DLG2: variants seen among roughly 807,000 people sequenced by gnomAD.
The protein encoded by DLG2 is disks large homolog 2.
In DLG2, 45 loss-of-function variants were observed where a neutral mutation model predicts 132.5. That is an observed-to-expected ratio of 0.34 (90% CI 0.27 to 0.44). The LOEUF (loss-of-function observed/expected upper bound fraction) is 0.44, where lower values mean the gene tolerates loss of function less well. DLG2 is among the 20% of genes least tolerant of loss of function. The pLI, the probability that DLG2 is intolerant of heterozygous loss-of-function variation, is 1.00. For synonymous variants in DLG2, 424 were observed against 419.6 expected (o/e 1.01, Z -0.13); for missense variants, 1,045 against 1,196.9 (o/e 0.87, Z 1.87).
chr11:85,186,117 T>A (rs2080077103), intron 4 of DLG2, among the ~76,000 whole-genome samples: 2 of 152,032 alleles, frequency 1.3e-5, no homozygotes, highest in South Asian at 2.1e-4. Flanking sequence ...TCTGAACACA[T>A]GTCTTATCTC....
chr11:85,482,295 T>G (rs548525174), intron 3 of DLG2, among the ~76,000 whole-genome samples: 2 of 152,222 alleles, frequency 1.3e-5, no homozygotes, highest in East Asian at 3.9e-4. Context: ...CCCAGGCTTC[T>G]ATCCCACCCC....
At chr11:84,934,768 G>C (rs1354093926) in intron 6 of DLG2, among the ~76,000 whole-genome samples, 4 of 151,606 alleles carry the variant, frequency 2.6e-5, no homozygotes, top group African/African-American at 9.7e-5. Flanking sequence ...ACTTTTATAT[G>C]CCCGAGTTCC....
At chr11:85,500,142 G>C (rs1241836391) in intron 3 of DLG2, among the ~76,000 whole-genome samples, 1 of 152,180 alleles carries the variant, frequency 6.6e-6, no homozygotes, top group African/African-American at 2.4e-5. Flanking sequence ...AATAGGAAGA[G>C]AGGAAGTCAA....
intron 22 of DLG2, among the ~76,000 whole-genome samples, chr11:83,474,234 A>G (rs2092392486): frequency 6.6e-6 from 1 of 152,140 alleles, no homozygotes; most frequent in African/African-American, 2.4e-5. Context: ...TCAGGAAAAG[A>G]ATGATTCCCT....
At chr11:84,351,032 ACTGTACAGT>A (rs2098564556) in intron 7 of DLG2, among the ~76,000 whole-genome samples, 1 of 152,176 alleles carries the variant, frequency 6.6e-6, no homozygotes, top group African/African-American at 2.4e-5. Context: ...TTTGGAGAGC[ACTGTACAGT>A]CTATTATACA....
intron 6 of DLG2, among the ~76,000 whole-genome samples, chr11:84,723,409 AT>A (rs1482520118): frequency 1.3e-5 from 2 of 152,176 alleles, no homozygotes; most frequent in African/African-American, 4.8e-5. Flanking sequence ...TTTAACTTTA[AT>A]CAGTGAGAGT....
At chr11:84,893,191 ACTC>A (rs959126966) in intron 6 of DLG2, among the ~76,000 whole-genome samples, 5 of 152,114 alleles carry the variant, frequency 3.3e-5, no homozygotes, top group African/African-American at 1.2e-4. Flanking sequence ...TCTGATAAGA[ACTC>A]CTCCTCATCA....
chr11:84,586,720 A>G (rs546249442), intron 6 of DLG2, among the ~76,000 whole-genome samples: 1 of 152,028 alleles, frequency 6.6e-6, no homozygotes, highest in African/African-American at 2.4e-5. Context: ...AATTTTTTAT[A>G]TATTACATTT....
At chr11:84,936,336 G>A (rs2048741725) in intron 6 of DLG2, among the ~76,000 whole-genome samples, 1 of 152,040 alleles carries the variant, frequency 6.6e-6, no homozygotes, top group African/African-American at 2.4e-5. Flanking sequence ...TTATAGGTTA[G>A]CATAAAAATT....
intron 3 of DLG2, among the ~76,000 whole-genome samples, chr11:85,531,665 G>C (rs2075217495): frequency 6.6e-6 from 1 of 152,134 alleles, no homozygotes; most frequent in Non-Finnish European, 1.5e-5. Flanking sequence ...GAAGAGAAGT[G>C]GGCGTAGACA....
At chr11:85,310,816 T>G (rs2080267060) in intron 3 of DLG2, among the ~76,000 whole-genome samples, 1 of 152,210 alleles carries the variant, frequency 6.6e-6, no homozygotes, top group African/African-American at 2.4e-5. Flanking sequence ...TCTAAGTGAC[T>G]ACAACAAGCA....
At chr11:84,806,317 G>T (rs945254580) in intron 6 of DLG2, among the ~76,000 whole-genome samples, 4 of 152,100 alleles carry the variant, frequency 2.6e-5, no homozygotes, top group Non-Finnish European at 5.9e-5. Flanking sequence ...ATAACAAACA[G>T]ATTCAAGAAG....
chr11:84,416,918 T>TG (rs1333545771), intron 7 of DLG2, among the ~76,000 whole-genome samples: 1 of 152,180 alleles, frequency 6.6e-6, no homozygotes. Context: ...TGTGTTTTCT[T>TG]GGGGAATTGA....
At chr11:85,515,820 T>C (rs1197059185) in intron 3 of DLG2, among the ~76,000 whole-genome samples, 1 of 152,018 alleles carries the variant, frequency 6.6e-6, no homozygotes, top group Non-Finnish European at 1.5e-5. Context: ...AATACAGGAT[T>C]TGAAGATCTG....
At chr11:83,842,183 C>G (rs2057695548) in intron 16 of DLG2, among the ~76,000 whole-genome samples, 1 of 152,168 alleles carries the variant, frequency 6.6e-6, no homozygotes, top group Admixed American at 6.5e-5. Context: ...GCAGCATAAT[C>G]TTACTCAGCT....
chr11:84,576,269 T>A (rs1226908152), intron 6 of DLG2, among the ~76,000 whole-genome samples: 1 of 152,250 alleles, frequency 6.6e-6, no homozygotes, highest in African/African-American at 2.4e-5. Flanking sequence ...CATTAATGCC[T>A]GCCACATAAT....
intron 7 of DLG2, among the ~76,000 whole-genome samples, chr11:84,408,164 A>G (rs73523731): frequency 0.019 from 2,915 of 152,264 alleles, 29 homozygotes; most frequent in Non-Finnish European, 0.023. Context: ...AAAGAAGGAA[A>G]TAAATCAGAC....
At chr11:84,104,836 AT>A (rs1473324917) in intron 9 of DLG2, among the ~76,000 whole-genome samples, 1 of 152,078 alleles carries the variant, frequency 6.6e-6, no homozygotes. Flanking sequence ...GGGAACTAAC[AT>A]TTATTGCATG....
intron 19 of DLG2, among the ~76,000 whole-genome samples, chr11:83,566,906 C>A (rs1050693873): frequency 6.6e-6 from 1 of 152,066 alleles, no homozygotes; most frequent in African/African-American, 2.4e-5. Context: ...TTTCTGAAAA[C>A]AGTGCCTAAA....
Sources: gnomAD v4.1 joint callset for allele counts (sites outside exome capture counted in the v4.1 genomes callset) on GRCh38, gnomAD v4.1.1 for gene constraint, MANE v1.5 for transcripts, NCBI Gene and HGNC (gene_info 2026-07-23, HGNC 2026-07-21) for gene names.